The following FLACC1 variants were observed in gnomAD, a reference collection of about 807,000 sequenced individuals.
FLACC1 encodes the protein flagellum associated containing coiled-coil domains 1, also known as flagellum-associated coiled-coil domain-containing protein 1.
A neutral mutation model predicts 62.8 loss-of-function variants in FLACC1; 66 were observed. The ratio of observed to expected loss-of-function variants is 1.05; its 90% confidence interval spans 0.86 to 1.29. The LOEUF is 1.29. FLACC1 is among the 50% of genes most tolerant of loss of function. FLACC1 has a pLI of 0.00. For synonymous variants in FLACC1, 156 were observed against 161.0 expected (o/e 0.97, Z 0.24); for missense variants, 452 against 489.1 (o/e 0.92, Z 0.71).
intron 9 of FLACC1, among the ~76,000 whole-genome samples, chr2:201,309,703 T>C (rs1950176346): frequency 6.6e-6 from 1 of 150,832 alleles, no homozygotes; most frequent in South Asian, 2.1e-4. Flanking sequence ...GGTCAAGAGG[T>C]CAAGACCATC....
At chr2:201,332,332 T>C (rs1289627846) in intron 7 of FLACC1, among the ~76,000 whole-genome samples, 3 of 152,034 alleles carry the variant, frequency 2.0e-5, no homozygotes, top group Non-Finnish European at 4.4e-5. Flanking sequence ...CACTGCAACC[T>C]TCGCCTCCTG....
chr2:201,291,688 C>A (rs185927742), intron 12 of FLACC1, among the ~76,000 whole-genome samples: 1 of 152,152 alleles, frequency 6.6e-6, no homozygotes, highest in Non-Finnish European at 1.5e-5. Flanking sequence ...ATGACTTTGA[C>A]GAGTTGAGAG....
In FLACC1 at chr2:201,342,249, C is replaced by G. The variant is rs540812391; in HGVS notation, c.524+121G>C. The G allele has an allele frequency of 3.7e-4, 352 of 962,370 alleles. 1 individual carries two copies. The highest frequency in any genetic ancestry group is 8.2e-4 in the Admixed American group (39 of 47,816). The allele number at this position is 962,370 out of a possible 1,614,324, so 59.6% of individuals were successfully genotyped here. A position where few individuals can be genotyped will look rare whatever the true frequency, so the allele number is the denominator to read the frequency against. ...AGACACGTGTCTTGTTCATCTCCCC[C>G]ACCCTTCATCCCCCAACTCCATTTA... is the stretch of plus-strand genomic sequence containing the variant. On this transcript the variant is annotated intron_variant, in intron 7 of 14. Coordinates refer to ENST00000392257, the MANE Select transcript of FLACC1 (RefSeq NM_001127391.3).
chr2:201,350,906 A>G, intron 2 of FLACC1, 124 bp from the exon 3 acceptor site: 1 of 771,872 alleles, frequency 1.3e-6, no homozygotes. Context: ...TGATAGCTGG[A>G]ATCTTTAAAA....
chr2:201,334,955 T>C (rs141690048), intron 7 of FLACC1, among the ~76,000 whole-genome samples: 1 of 152,138 alleles, frequency 6.6e-6, no homozygotes, highest in Admixed American at 6.6e-5. Flanking sequence ...TTTTTATTAC[T>C]TATTCAATAT....
chr2:201,310,005 T>G (rs950230583), intron 9 of FLACC1, among the ~76,000 whole-genome samples: 3 of 152,006 alleles, frequency 2.0e-5, no homozygotes, highest in African/African-American at 7.2e-5. Flanking sequence ...ATGTCCACTT[T>G]TTCTCAGCAA....
At chr2:201,337,788 G>A (rs997571128) in intron 7 of FLACC1, among the ~76,000 whole-genome samples, 3 of 152,184 alleles carry the variant, frequency 2.0e-5, no homozygotes, top group African/African-American at 7.2e-5. Context: ...CTCCCAAAGT[G>A]CTGGGATTAC....
rs116064400 is a variant in FLACC1 at position 201,327,204 on chromosome 2, C to T, written c.675+3266G>A. Among the ~76,000 whole-genome samples, 489 of 151,888 alleles carry T rather than the reference C, an allele frequency of 3.2e-3. 1 individual carries two copies. The highest frequency in any genetic ancestry group is 5.4e-3 in the Non-Finnish European group (367 of 67,902). The stretch of plus-strand genomic sequence containing the variant: ...GGATCAAAGACTTAAATATGAGACC[C>T]GAAACTATAAAAATTCTAGAAGACA... On this transcript the variant is annotated intron_variant, in intron 9 of 14. Transcript: ENST00000392257.
intron 12 of FLACC1, among the ~76,000 whole-genome samples, chr2:201,296,242 G>C (rs1300663352): frequency 6.6e-6 from 1 of 152,042 alleles, no homozygotes; most frequent in African/African-American, 2.4e-5. Flanking sequence ...ACTCACAATA[G>C]CAAAGACTTG....
At chr2:201,292,896 C>A (rs1026444244) in intron 12 of FLACC1, among the ~76,000 whole-genome samples, 2 of 151,914 alleles carry the variant, frequency 1.3e-5, no homozygotes, top group South Asian at 2.1e-4. Context: ...AACAGACTTT[C>A]AATTAACAAA....
At chr2:201,355,987 G>A (rs1576487843) in intron 1 of FLACC1, among the ~76,000 whole-genome samples, 1 of 152,060 alleles carries the variant, frequency 6.6e-6, no homozygotes, top group African/African-American at 2.4e-5. Context: ...GTTGGAACAG[G>A]GTCCTGGGAG....
intron 9 of FLACC1, among the ~76,000 whole-genome samples, chr2:201,327,361 A>G (rs1428752947): frequency 1.3e-5 from 2 of 152,206 alleles, no homozygotes; most frequent in African/African-American, 2.4e-5. Flanking sequence ...AGCAAAAGAA[A>G]TAATAAACAG....
At position 201,324,352 on chromosome 2, in the gene FLACC1, C is replaced by G. The variant is rs1216901616; in HGVS notation, c.675+6118G>C. Among the ~76,000 whole-genome samples the G allele has an allele frequency of 6.6e-5, 10 of 152,216 alleles. No homozygotes were observed. The East Asian group carries it at 1.9e-3, about 29-fold the overall frequency. On this transcript the variant is annotated intron_variant, in intron 9 of 14. Transcript: ENST00000392257. ...CATCTAACACTGGAGCTTGCAGATT[C>G]ATAAAACAATTACTACTAGACCTAA... is the stretch of plus-strand genomic sequence containing the variant.
intron 6 of FLACC1, among the ~76,000 whole-genome samples, chr2:201,343,805 G>T (rs1007562823): frequency 1.3e-5 from 2 of 152,228 alleles, no homozygotes; most frequent in South Asian, 2.1e-4. Context: ...CATTAAGTGC[G>T]CTGGTGTCGT....
At chr2:201,363,710 G>A in the FLACC1 span, among the ~76,000 whole-genome samples, 1 of 152,148 alleles carries the variant, frequency 6.6e-6, no homozygotes, top group East Asian at 1.9e-4. Context: ...ACAGCAGCCT[G>A]AGCACCTCAC....
At chr2:201,359,464 A>G (rs1463541451), upstream of FLACC1, among the ~76,000 whole-genome samples, 1 of 152,156 alleles carries the variant, frequency 6.6e-6, no homozygotes, top group Non-Finnish European at 1.5e-5. Context: ...AGTATTGTGT[A>G]AGGAGAGAAG....
intron 6 of FLACC1, among the ~76,000 whole-genome samples, chr2:201,343,891 G>A (rs1950861293): frequency 6.6e-6 from 1 of 152,228 alleles, no homozygotes; most frequent in Non-Finnish European, 1.5e-5. Flanking sequence ...GCACCCTAGT[G>A]TGAGGAGGAC....
intron 4 of FLACC1, 172 bp downstream of exon 4, chr2:201,348,082 C>T (rs752061520): frequency 1.6e-5 from 9 of 552,444 alleles, no homozygotes; most frequent in South Asian, 4.9e-5. Context: ...GAGTTCAAGT[C>T]GTGGTTCTTC....
intron 4 of FLACC1, chr2:201,348,052 C>A: frequency 2.1e-6 from 1 of 477,496 alleles, no homozygotes; most frequent in South Asian, 2.8e-5. Flanking sequence ...TAAATGCCCA[C>A]TCTGGAATCT....
Sources: allele counts gnomAD v4.1 joint callset (sites outside exome capture counted in the v4.1 genomes callset), GRCh38; gene constraint gnomAD v4.1.1; transcripts MANE v1.5; gene names NCBI Gene and HGNC (gene_info 2026-07-23, HGNC 2026-07-21).